Variants in ARHGEF2 observed in about 807,000 individuals in gnomAD.
The protein encoded by ARHGEF2 is Rho/Rac guanine nucleotide exchange factor 2, also known as rho guanine nucleotide exchange factor 2.
A neutral mutation model predicts 121.0 loss-of-function variants in ARHGEF2; 22 were observed. The ratio of observed to expected loss-of-function variants is 0.18; its 90% confidence interval spans 0.13 to 0.26. The LOEUF is 0.26. Ranked by LOEUF, ARHGEF2 falls within the 10% of genes least tolerant of loss-of-function variation. The pLI is 1.00. For missense variants in ARHGEF2, 907 were observed against 1,336.0 expected, an observed-to-expected ratio of 0.68 and a Z score of 5.01; for synonymous variants, 487 against 530.0, an observed-to-expected ratio of 0.92 and a Z score of 1.11.
chr1:155,958,982 G>A (rs923388863), intron 11 of ARHGEF2, among the ~76,000 whole-genome samples: 2 of 152,020 alleles, frequency 1.3e-5, no homozygotes, highest in Non-Finnish European at 2.9e-5. Flanking sequence ...TGGGCTAGCA[G>A]GAACCACAGG....
At chr1:155,966,381 T>A (rs1414327985) in intron 4 of ARHGEF2, 35 bp downstream of exon 4, 2 of 1,611,184 alleles carry the variant, frequency 1.2e-6, no homozygotes, top group East Asian at 4.5e-5. Flanking sequence ...GGGTCCAGGG[T>A]CTTAGGGGAC....
chr1:155,970,380 A>T, intron 1 of ARHGEF2: 1 of 985,448 alleles, frequency 1.0e-6, no homozygotes, highest in Non-Finnish European at 1.2e-6. Context: ...AAGCCTGAGA[A>T]GGTGAGAAGA....
chr1:155,965,541 G>T lies in ARHGEF2; in HGVS notation c.470+90C>A. On this transcript the variant is annotated intron_variant, in intron 5 of 21. Coordinates refer to ENST00000361247, the MANE Select transcript of ARHGEF2 (RefSeq NM_001162383.2). This position sits in a 1 kb window ranked among gnomAD's most constrained non-coding sequence, Gnocchi z 6.0. ...TCCTTATTTGTCTGTCTACAGTTCT[G>T]AACTCAGGGATGGAAAGGGACCTCT... 6.2e-7 allele frequency: 1 copy of T among 1,607,236 alleles called. No individual in the cohort carries two copies. The highest frequency in any genetic ancestry group is 8.5e-7 in the Non-Finnish European group (1 of 1,176,358).
At chr1:155,958,229 G>T in intron 12 of ARHGEF2, 91 bp downstream of exon 12, 2 of 973,206 alleles carry the variant, frequency 2.1e-6, no homozygotes, top group Non-Finnish European at 3.2e-6. Flanking sequence ...GACTCTGGGG[G>T]ACTCCAGAGC....
At position 155,954,958 on chromosome 1, in the gene ARHGEF2, C is replaced by T; in HGVS notation, c.1727G>A (p.Arg576Lys). Reference protein sequence around the residue: ...IQQSVRTCPSREDFPLIETED... With the variant: ...IQQSVRTCPSKEDFPLIETED... Reference sequence around the variant, plus strand: ...TGTCTCAATCAGGGGGAAGTCCTCCCTGGATGGGCATCTGGAGGGGTAACA... The same window carrying T: ...TGTCTCAATCAGGGGGAAGTCCTCCTTGGATGGGCATCTGGAGGGGTAACA... The change falls in exon 14 of 22, where the codon AGG (arginine) becomes AAG (lysine). Residue 576 changes from arginine (R) to lysine (K), a missense_variant. By Grantham distance (26) the Arg-to-Lys change is conservative (BLOSUM62 2). Coordinates refer to ENST00000361247, the MANE Select transcript of ARHGEF2 (RefSeq NM_001162383.2). The T allele has an allele frequency of 6.2e-7, 1 of 1,611,352 alleles. No individual in the cohort carries two copies. The highest frequency in any genetic ancestry group is 8.5e-7 in the Non-Finnish European group (1 of 1,178,820).
chr1:155,972,352 C>G (rs939261807), intron 1 of ARHGEF2: 3 of 457,534 alleles, frequency 6.6e-6, no homozygotes, highest in Non-Finnish European at 1.3e-5. Context: ...CAGCAAGCGA[C>G]CCTGGCACTG....
intron 1 of ARHGEF2, among the ~76,000 whole-genome samples, chr1:155,972,778 C>T (rs1423894912): frequency 1.3e-5 from 2 of 151,598 alleles, no homozygotes; most frequent in African/African-American, 2.4e-5. Context: ...CATGGCTCAC[C>T]GCAGCCTTGA....
intron 14 of ARHGEF2, among the ~76,000 whole-genome samples, chr1:155,953,688 G>A (rs1323830291): frequency 2.0e-5 from 3 of 147,060 alleles, no homozygotes; most frequent in African/African-American, 7.6e-5. Flanking sequence ...GTTGCAGTGA[G>A]TCGAGATCAC....
chr1:155,962,876 C>T lies in ARHGEF2; in HGVS notation c.975+57G>A. On this transcript the variant is annotated intron_variant, in intron 8 of 21. Transcript: ENST00000361247. This position sits in a 1 kb window ranked among gnomAD's most constrained non-coding sequence, Gnocchi z 5.8. ...CCTAGAATTTGGACCCAAGAAATGC[C>T]CAACCCAGTCACACCTCCTTCCATG... is the stretch of plus-strand genomic sequence containing the variant. 1 of 1,608,898 alleles carries T rather than the reference C, an allele frequency of 6.2e-7. No individual in the cohort carries two copies. Among genetic ancestry groups the T allele is most frequent in the Non-Finnish European group, 8.5e-7 (1 of 1,176,404 alleles).
intron 2 of ARHGEF2, chr1:155,968,096 T>C (rs1679786613): frequency 6.6e-6 from 1 of 152,162 alleles, no homozygotes; most frequent in Non-Finnish European, 1.5e-5. Context: ...ATTGGGAATT[T>C]TGTCAGGTCT....
At position 155,958,789 on chromosome 1, in the gene ARHGEF2, G is replaced by A. The variant is rs571116986; in HGVS notation, c.1469-393C>T. ...GACGGGGTTTCACCATGTTGGTCAG[G>A]CTGGTCTCAAACTCCTGACCTCAGG... is the stretch of plus-strand genomic sequence containing the variant. On this transcript the variant is annotated intron_variant, in intron 11 of 21. Transcript: ENST00000361247. Among the ~76,000 whole-genome samples the A allele has an allele frequency of 5.3e-5, 8 of 151,468 alleles. No individual in the cohort carries two copies. In the South Asian group the frequency reaches 1.7e-3, roughly 32 times the overall value.
At chr1:155,964,177 T>TATAC (rs1197724218) in intron 7 of ARHGEF2, among the ~76,000 whole-genome samples, 3 of 82,856 alleles carry the variant, frequency 3.6e-5, no homozygotes, top group African/African-American at 6.6e-5. Context: ...AATATATATA[T>TATAC]ATATATATAT....
In ARHGEF2 at chr1:155,950,591, A is replaced by G; in HGVS notation, c.2704-109T>C. 8.3e-7 allele frequency: 1 copy of G among 1,199,204 alleles called. No homozygotes were observed. The highest frequency in any genetic ancestry group is 1.2e-6 in the Non-Finnish European group (1 of 840,486). The allele number at this position is 1,199,204 out of a possible 1,614,324, so 74.3% of individuals were successfully genotyped here. ...CTCTCCCCCCTGGGGCTCACCCATG[A>G]GTCCCCTTCAGGAGATCCACCACCA... On this transcript the variant is annotated intron_variant, in intron 20 of 21. Coordinates refer to ENST00000361247, the MANE Select transcript of ARHGEF2 (RefSeq NM_001162383.2). The surrounding 1 kb of genome is among the most constrained non-coding windows in gnomAD (Gnocchi z 5.2).
chr1:155,953,658 CT>C (rs1372501815), intron 14 of ARHGEF2, among the ~76,000 whole-genome samples: 1 of 147,836 alleles, frequency 6.8e-6, no homozygotes, highest in African/African-American at 2.5e-5. Flanking sequence ...AGGAGAATCA[CT>C]TGAACGTGGG....
At chr1:155,969,411 T>G in intron 1 of ARHGEF2, 111 bp from the exon 2 acceptor site, 3 of 1,533,986 alleles carry the variant, frequency 2.0e-6, no homozygotes, top group Non-Finnish European at 2.6e-6. Flanking sequence ...AGCCTGAGGA[T>G]GCTGGAAAGA....
rs1336227610 is a variant in ARHGEF2, at chr1:155,969,273, C to T, written c.91G>A (p.Ala31Thr). ...KTREKEKMKE[A>T]KDARYTNGHL... ...CCATTGGTATAGCGGGCATCCTTGG[C>T]TTCCTTCATCTTCTCCTTTTCCCGG... The change falls in exon 2 of 22, where the codon GCC becomes ACC. Residue 31 changes from alanine (A) to threonine (T), a missense_variant. Ala to Thr is a moderately conservative substitution (Grantham distance 58). Transcript: ENST00000361247. The T allele has an allele frequency of 6.2e-7, 1 of 1,614,004 alleles. No individual in the cohort carries two copies. The highest frequency in any genetic ancestry group is 1.3e-5 in the African/African-American group (1 of 74,922).
rs1209744184 is a variant in ARHGEF2 at position 155,978,113 on chromosome 1, C to T, written c.63+252G>A. The T allele has an allele frequency of 4.0e-6, 5 of 1,234,684 alleles. No individual in the cohort carries two copies. The South Asian group carries it at 1.4e-4, about 35-fold the overall frequency. 76.5% of individuals were successfully genotyped at this position (1,234,684 alleles called of 1,614,324 possible). On this transcript the variant is annotated intron_variant, in intron 1 of 21. Transcript: ENST00000361247. This position sits in a 1 kb window ranked among gnomAD's most constrained non-coding sequence, Gnocchi z 4.1. ...GGCCTAAAGCACTCGGTCCCGCCGG[C>T]TTGGAGGCGACCAAGCCCAGGTCCG...
chr1:155,975,664 G>A (rs1681175917), intron 1 of ARHGEF2, among the ~76,000 whole-genome samples: 1 of 152,020 alleles, frequency 6.6e-6, no homozygotes, highest in South Asian at 2.1e-4. Flanking sequence ...TGCACACAAA[G>A]CCAGCCACCT....
At position 155,950,044 on chromosome 1, in the gene ARHGEF2, G is replaced by A. The variant is rs1234482491; in HGVS notation, c.2887+255C>T. On this transcript the variant is annotated intron_variant, in intron 21 of 21. Transcript: ENST00000361247. This position sits in a 1 kb window ranked among gnomAD's most constrained non-coding sequence, Gnocchi z 5.2. Reference sequence around the variant, plus strand: ...CCCAAAGTGTTAGGATTACAGGCCTGAGCCGCCATGCCTTTTTAAAAAAGA... The same window carrying A: ...CCCAAAGTGTTAGGATTACAGGCCTAAGCCGCCATGCCTTTTTAAAAAAGA... 6.6e-6 allele frequency among the ~76,000 whole-genome samples: 1 copy of A among 152,108 alleles called. No homozygotes were observed. The highest frequency in any genetic ancestry group is 1.5e-5 in the Non-Finnish European group (1 of 68,002).
Sources: allele counts gnomAD v4.1 joint callset (sites outside exome capture counted in the v4.1 genomes callset), GRCh38; gene constraint gnomAD v4.1.1; non-coding constraint Gnocchi (gnomAD v3.1); transcripts MANE v1.5; gene names NCBI Gene and HGNC (gene_info 2026-07-23, HGNC 2026-07-21).